RAP1A: variants seen among roughly 807,000 people sequenced by gnomAD.
RAP1A encodes the protein RAP1A, member of RAS oncogene family, also known as ras-related protein Rap-1A.
RAP1A carries 6 observed loss-of-function variants against 26.4 expected under a neutral mutation model. That is an observed-to-expected ratio of 0.23 (90% confidence interval 0.12 to 0.45). The LOEUF is 0.45. Ranked by LOEUF, RAP1A falls within the 20% of genes least tolerant of loss-of-function variation. The probability of loss-of-function intolerance (pLI) is 0.99; values close to 1 mark genes in which losing one functional copy is unlikely to be tolerated. For synonymous variants in RAP1A, 73 were observed against 79.4 expected, an observed-to-expected ratio of 0.92 and a Z score of 0.43; for missense variants, 121 against 217.2, an observed-to-expected ratio of 0.56 and a Z score of 2.78.
At chr1:111,560,778 C>G (rs745754422) in intron 1 of RAP1A, among the ~76,000 whole-genome samples, 3 of 152,160 alleles carry the variant, frequency 2.0e-5, no homozygotes, top group Non-Finnish European at 4.4e-5. Flanking sequence ...AGGCACACAC[C>G]ACAGCACCTG....
chr1:111,596,934 A>G (rs1658573776), intron 1 of RAP1A, among the ~76,000 whole-genome samples: 1 of 152,254 alleles, frequency 6.6e-6, no homozygotes, highest in African/African-American at 2.4e-5. Context: ...CATTCATTCT[A>G]TAGCATAGAT....
chr1:111,641,952 T>C (rs1659904612), intron 1 of RAP1A, among the ~76,000 whole-genome samples: 1 of 152,084 alleles, frequency 6.6e-6, no homozygotes, highest in South Asian at 2.1e-4. Flanking sequence ...GTCTATAAAA[T>C]GGGGACAGTA....
intron 1 of RAP1A, among the ~76,000 whole-genome samples, chr1:111,667,328 ATTC>A (rs1660825342): frequency 6.6e-6 from 1 of 152,206 alleles, no homozygotes; most frequent in South Asian, 2.1e-4. Context: ...TATAGATTAT[ATTC>A]TTGATAACTA....
intron 2 of RAP1A, among the ~76,000 whole-genome samples, chr1:111,694,378 A>G (rs943915016): frequency 2.0e-5 from 3 of 152,216 alleles, no homozygotes; most frequent in African/African-American, 4.8e-5. Flanking sequence ...CTAAAATAGT[A>G]TATCAAATAT....
rs1391710361 is a variant in RAP1A, at chr1:111,563,970, TC to T, written c.-28+21462del. Reference sequence around the variant, plus strand: ...CCTTCCATTGGTCCAACTGGTGGTCTCTACCAACTGCCACAGAAGCTTCCAA... The same window carrying T: ...CCTTCCATTGGTCCAACTGGTGGTCTTACCAACTGCCACAGAAGCTTCCAA... On this transcript the variant is annotated intron_variant, in intron 1 of 7. Transcript: ENST00000356415. 30 of 1,585,870 alleles carry T rather than the reference TC, an allele frequency of 1.9e-5. No homozygotes were observed. The East Asian group carries it at 6.7e-4, about 35-fold the overall frequency.
At chr1:111,669,424 G>A (rs971208116) in intron 1 of RAP1A, among the ~76,000 whole-genome samples, 20 of 152,110 alleles carry the variant, frequency 1.3e-4, no homozygotes, top group African/African-American at 3.4e-4. Context: ...GGGATATGCC[G>A]TTTTCTTTAT....
chr1:111,615,559 G>T (rs531030531), upstream of RAP1A, among the ~76,000 whole-genome samples: 1 of 152,106 alleles, frequency 6.6e-6, no homozygotes, highest in Admixed American at 6.5e-5. Flanking sequence ...CAGGCCAGGC[G>T]TGGTGGCTCA....
At chr1:111,606,885 G>C (rs994640013) in intron 1 of RAP1A, among the ~76,000 whole-genome samples, 1 of 152,154 alleles carries the variant, frequency 6.6e-6, no homozygotes, top group African/African-American at 2.4e-5. Context: ...TTGTAAAACA[G>C]GTATTGTACA....
At chr1:111,643,050 G>T (rs577517973) in intron 1 of RAP1A, among the ~76,000 whole-genome samples, 2 of 152,144 alleles carry the variant, frequency 1.3e-5, no homozygotes, top group Non-Finnish European at 2.9e-5. Context: ...GATTACAGGC[G>T]TGAGCCACTG....
At chr1:111,683,578 C>T (rs999011053) in intron 1 of RAP1A, among the ~76,000 whole-genome samples, 1 of 152,150 alleles carries the variant, frequency 6.6e-6, no homozygotes, top group Non-Finnish European at 1.5e-5. Context: ...GGATAAATTC[C>T]TGGATACATA....
chr1:111,679,020 GA>G (rs932278656), intron 1 of RAP1A, among the ~76,000 whole-genome samples: 1 of 151,858 alleles, frequency 6.6e-6, no homozygotes, highest in Non-Finnish European at 1.5e-5. Flanking sequence ...AGCATTTTGG[GA>G]AAAAAAATCC....
intron 1 of RAP1A, among the ~76,000 whole-genome samples, chr1:111,569,679 T>G (rs906332622): frequency 6.6e-6 from 1 of 151,988 alleles, no homozygotes; most frequent in African/African-American, 2.4e-5. Flanking sequence ...ACTTCATGAA[T>G]GTCTCCAAGG....
At chr1:111,607,246 G>T (rs1269149407) in intron 1 of RAP1A, among the ~76,000 whole-genome samples, 1 of 151,910 alleles carries the variant, frequency 6.6e-6, no homozygotes, top group African/African-American at 2.4e-5. Context: ...CTGCCTTCAA[G>T]CATCTGTTTA....
intron 1 of RAP1A, among the ~76,000 whole-genome samples, chr1:111,626,000 A>G (rs896841635): frequency 1.3e-5 from 2 of 152,010 alleles, no homozygotes; most frequent in African/African-American, 4.8e-5. Context: ...AGTAACCCCA[A>G]ATTAGGCTCT....
At chr1:111,620,710 C>T (rs1364858074) in intron 1 of RAP1A, among the ~76,000 whole-genome samples, 1 of 152,150 alleles carries the variant, frequency 6.6e-6, no homozygotes, top group East Asian at 1.9e-4. Flanking sequence ...TTTCATGGGT[C>T]TCTGCTTCTT....
At chr1:111,703,512 T>C in intron 5 of RAP1A, 36 bp downstream of exon 5, 1 of 1,503,320 alleles carries the variant, frequency 6.7e-7, no homozygotes, top group Non-Finnish European at 9.0e-7. Context: ...TGTTATGCCA[T>C]CTCTCTGTGG....
At chr1:111,641,110 C>G (rs1659876356) in intron 1 of RAP1A, among the ~76,000 whole-genome samples, 1 of 152,174 alleles carries the variant, frequency 6.6e-6, no homozygotes, top group South Asian at 2.1e-4. Context: ...ACAGAAGTTT[C>G]CTGTAAAAAC....
intron 1 of RAP1A, among the ~76,000 whole-genome samples, chr1:111,622,524 C>T (rs778963303): frequency 3.0e-4 from 45 of 152,170 alleles, no homozygotes; most frequent in Non-Finnish European, 2.9e-4. Flanking sequence ...TCTTCCCTTA[C>T]TACCCTTCCC....
At chr1:111,601,049 A>G (rs1213979537) in intron 1 of RAP1A, among the ~76,000 whole-genome samples, 1 of 152,200 alleles carries the variant, frequency 6.6e-6, no homozygotes, top group Non-Finnish European at 1.5e-5. Context: ...TCCCCTCTCC[A>G]TAACAGCAGA....
Sources: gnomAD v4.1 joint callset for allele counts (sites outside exome capture counted in the v4.1 genomes callset) on GRCh38, gnomAD v4.1.1 for gene constraint, MANE v1.5 for transcripts, NCBI Gene and HGNC (gene_info 2026-07-23, HGNC 2026-07-21) for gene names.